The following SLCO4C1 variants were observed in gnomAD, a reference collection of about 807,000 sequenced individuals.
SLCO4C1 encodes organic anion transporter M1.
A neutral mutation model predicts 72.1 loss-of-function variants in SLCO4C1; 58 were observed. That is an observed-to-expected ratio of 0.80 (90% CI 0.65 to 1.00). The LOEUF is 1.00. Among genes scored for constraint, SLCO4C1 ranks in the 50% least tolerant of loss-of-function variants. SLCO4C1 has a pLI of 0.00. For synonymous variants in SLCO4C1, 297 were observed against 312.5 expected, an observed-to-expected ratio of 0.95 and a Z score of 0.52; for missense variants, 898 against 857.9, an observed-to-expected ratio of 1.05 and a Z score of -0.58.
intron 3 of SLCO4C1, among the ~76,000 whole-genome samples, chr5:102,267,583 GTTTT>G (rs543701401): frequency 7.5e-6 from 1 of 132,658 alleles, no homozygotes; most frequent in African/African-American, 2.8e-5. Flanking sequence ...ATCTTCTGTA[GTTTT>G]TTTTTTTTTT....
intron 12 of SLCO4C1, among the ~76,000 whole-genome samples, chr5:102,238,874 C>CA (rs1417549693): frequency 6.6e-6 from 1 of 152,130 alleles, no homozygotes; most frequent in Non-Finnish European, 1.5e-5. Context: ...CTGCCTGAGC[C>CA]ATATGTGTTT....
At position 102,257,186 on chromosome 5, in the gene SLCO4C1, C is replaced by T. The variant is rs116309895; in HGVS notation, c.1398G>A (p.Thr466=). The T allele has an allele frequency of 2.7e-4, 430 of 1,607,406 alleles. No homozygotes were observed. The African/African-American group carries it at 4.7e-3, about 18-fold the overall frequency. ...FALFTSGVAL[T]LSFVFMYAKC... is the part of the protein sequence containing the mutation. ...TGGCATACATAAATACAAAACTCAG[C>T]GTAAGTGCAACTCCAGATGTGAACA... The change falls in exon 8 of 13, where the codon ACG becomes ACA. Residue 466 remains threonine (T), a synonymous_variant. Transcript: ENST00000310954.
Position 102,239,318 on chromosome 5 carries a change from A to G in SLCO4C1, c.1947T>C (p.Asp649=), listed in dbSNP as rs773193173. Residue 649 remains aspartate, a synonymous_variant, in exon 12 of 13, where the codon GAT becomes GAC. Coordinates refer to ENST00000310954, the MANE Select transcript of SLCO4C1 (RefSeq NM_180991.5). ...DSTCILWDIN[D]CGIKGACWIY... ...TCCAGCAAGCTCCTTTAATTCCACA[A>G]TCATTTATATCCCAAAGAATACATG... The G allele has an allele frequency of 2.2e-5, 36 of 1,604,992 alleles. No homozygotes were observed. The highest frequency in any genetic ancestry group is 2.2e-4 in the Admixed American group (13 of 58,926).
intron 2 of SLCO4C1, among the ~76,000 whole-genome samples, chr5:102,275,272 T>C (rs947389600): frequency 4.6e-5 from 7 of 151,978 alleles, no homozygotes; most frequent in African/African-American, 1.7e-4. Flanking sequence ...GAAAACATAG[T>C]TATGGGCATA....
At chr5:102,261,244 C>G (rs941925512) in intron 5 of SLCO4C1, among the ~76,000 whole-genome samples, 2 of 151,984 alleles carry the variant, frequency 1.3e-5, no homozygotes, top group Non-Finnish European at 2.9e-5. Flanking sequence ...AAAACCCCAT[C>G]TCTAATAAAA....
chr5:102,252,089 G>A (rs1748750248), intron 8 of SLCO4C1, among the ~76,000 whole-genome samples: 1 of 147,976 alleles, frequency 6.8e-6, no homozygotes. Context: ...AGGAAGGGAA[G>A]AAGGGAGGAA....
At chr5:102,240,892 G>T in intron 10 of SLCO4C1, 110 bp from the exon 11 acceptor site, 1 of 685,902 alleles carries the variant, frequency 1.5e-6, no homozygotes, top group Non-Finnish European at 2.4e-6. Context: ...AGTAAATGTT[G>T]TAAACGCAAA....
chr5:102,252,774 T>G (rs2112349945), intron 8 of SLCO4C1, among the ~76,000 whole-genome samples: 1 of 152,272 alleles, frequency 6.6e-6, no homozygotes, highest in Middle Eastern at 3.4e-3. Context: ...AAGGTTTACT[T>G]CTTGAGGTAA....
chr5:102,284,663 T>C (rs1749416574), intron 2 of SLCO4C1, among the ~76,000 whole-genome samples: 1 of 152,018 alleles, frequency 6.6e-6, no homozygotes, highest in Non-Finnish European at 1.5e-5. Context: ...ATTCAACCAT[T>C]GAACACATTT....
chr5:102,285,228 C>CACACACACAA (rs1554059313), intron 2 of SLCO4C1, among the ~76,000 whole-genome samples: 158 of 151,824 alleles, frequency 1.0e-3, no homozygotes, highest in African/African-American at 3.7e-3. Context: ...CACACACACA[C>CACACACACAA]ACACACACAC....
At chr5:102,284,585 G>A (rs753491146) in intron 2 of SLCO4C1, among the ~76,000 whole-genome samples, 4 of 151,938 alleles carry the variant, frequency 2.6e-5, no homozygotes, top group Middle Eastern at 3.4e-3. Context: ...TTCACAGAAT[G>A]CATTTGCTTT....
At chr5:102,287,224 T>C (rs1333597264) in intron 2 of SLCO4C1, among the ~76,000 whole-genome samples, 2 of 152,176 alleles carry the variant, frequency 1.3e-5, no homozygotes, top group African/African-American at 4.8e-5. Context: ...TTTTCTTCTC[T>C]ACTCTCCCTA....
chr5:102,240,304 C>T (rs533947663), intron 11 of SLCO4C1, among the ~76,000 whole-genome samples: 1 of 152,150 alleles, frequency 6.6e-6, no homozygotes, highest in African/African-American at 2.4e-5. Flanking sequence ...GGTACAAATT[C>T]TTTCTTCCAA....
intron 1 of SLCO4C1, among the ~76,000 whole-genome samples, chr5:102,295,032 C>T (rs1749622523): frequency 6.6e-6 from 1 of 152,332 alleles, no homozygotes; most frequent in South Asian, 2.1e-4. Context: ...CTTGACTCCT[C>T]TCCACCTCTT....
rs761471850 is a variant in SLCO4C1, at chr5:102,239,256, G to T, written c.2009C>A (p.Ala670Asp). 4.5e-6 allele frequency: 7 copies of T among 1,566,234 alleles called. No individual in the cohort carries two copies. The highest frequency in any genetic ancestry group is 5.2e-6 in the Non-Finnish European group (6 of 1,160,332). The change falls in exon 12 of 13, where the codon GCC becomes GAC. Residue 670 changes from alanine to aspartate, a missense_variant. Coordinates refer to ENST00000310954, the MANE Select transcript of SLCO4C1 (RefSeq NM_180991.5). ...DNIKMAHMLVAISVTCKVITM... is the reference protein window; with the variant it reads ...DNIKMAHMLVDISVTCKVITM... ...ATCAAGAAGTCACCACTTACTTATG[G>T]CTACTAGCATATGGGCCATCTTGAT...
Position 102,258,088 on chromosome 5 carries a change from C to A in SLCO4C1, c.1129-1G>T. 6.5e-7 allele frequency: 1 copy of A among 1,535,910 alleles called. No individual in the cohort carries two copies. The highest frequency in any genetic ancestry group is 1.4e-5 in the African/African-American group (1 of 70,506). On this transcript the variant is annotated splice_acceptor_variant, in intron 6 of 12. Coordinates refer to ENST00000310954, the MANE Select transcript of SLCO4C1 (RefSeq NM_180991.5). LOFTEE classifies it high-confidence loss of function. ...TAAAGACAGCATTCTTCATCAAATT[C>A]TAAAGAAAAAAATACAGTTCCTCAA... is the stretch of plus-strand genomic sequence containing the variant.
At chr5:102,289,835 CATATTCT>C (rs2112402650) in intron 2 of SLCO4C1, among the ~76,000 whole-genome samples, 1 of 152,316 alleles carries the variant, frequency 6.6e-6, no homozygotes, top group African/African-American at 2.4e-5. Flanking sequence ...CATCCGCTTA[CATATTCT>C]ATTTTTACTT....
chr5:102,257,805 A>G, intron 7 of SLCO4C1, 138 bp downstream of exon 7: 1 of 759,354 alleles, frequency 1.3e-6, no homozygotes, highest in Non-Finnish European at 2.1e-6. Flanking sequence ...TTTTTGGTAC[A>G]GACAGGGTTT....
intron 10 of SLCO4C1, among the ~76,000 whole-genome samples, chr5:102,243,009 G>A (rs908735172): frequency 1.3e-5 from 2 of 152,160 alleles, no homozygotes; most frequent in Non-Finnish European, 2.9e-5. Context: ...CAGCATTCAT[G>A]ACAAGCTGAC....
Sources: allele counts gnomAD v4.1 joint callset (sites outside exome capture counted in the v4.1 genomes callset), GRCh38; gene constraint gnomAD v4.1.1; transcripts MANE v1.5; gene names NCBI Gene and HGNC (gene_info 2026-07-23, HGNC 2026-07-21).